GRIN1: variants seen among roughly 807,000 people sequenced by gnomAD.
The protein encoded by GRIN1 is glutamate receptor ionotropic, NMDA 1.
Under a neutral mutation model 103.0 loss-of-function variants are expected in GRIN1, and 38 were observed. The ratio of observed to expected loss-of-function variants is 0.37; its 90% CI spans 0.28 to 0.48. The LOEUF (loss-of-function observed/expected upper bound fraction) is 0.48. GRIN1 is among the 20% of genes least tolerant of loss of function. The pLI is 0.98. For missense variants in GRIN1, 577 were observed against 1,288.9 expected, an observed-to-expected ratio of 0.45 and a Z score of 8.46; for synonymous variants, 544 against 532.7, an observed-to-expected ratio of 1.02 and a Z score of -0.29.
At chr9:137,158,253 C>G (rs769275227) in intron 6 of GRIN1, 126 bp from the exon 7 acceptor site, 3 of 1,074,464 alleles carry the variant, frequency 2.8e-6, no homozygotes, top group Non-Finnish European at 4.2e-6. Flanking sequence ...GCTGCTCAGC[C>G]GGCAGGAGAA....
Position 137,145,922 on chromosome 9 carries a change from G to A in GRIN1, c.570+20G>A, listed in dbSNP as rs760668899. 4 of 1,570,890 alleles carry A rather than the reference G, an allele frequency of 2.5e-6. No homozygotes were observed. Among genetic ancestry groups the A allele is most frequent in the Admixed American group, 3.6e-5 (2 of 54,850 alleles). On this transcript the variant is annotated intron_variant, in intron 3 of 19. Coordinates refer to ENST00000371561, the MANE Select transcript of GRIN1 (RefSeq NM_007327.4). ...TCCAAGGTGAGGGTCGGCGCCGCGGGTGGGCGCCTGGCGGAGCCGAGGTGC... is the reference window on the plus strand; with the variant it reads ...TCCAAGGTGAGGGTCGGCGCCGCGGATGGGCGCCTGGCGGAGCCGAGGTGC...
chr9:137,162,782 G>A, intron 14 of GRIN1, 43 bp downstream of exon 14: 2 of 1,602,206 alleles, frequency 1.2e-6, no homozygotes, highest in Non-Finnish European at 1.7e-6. Flanking sequence ...GAGGTGAGCT[G>A]GGGTCGGCCT....
chr9:137,146,901 C>G lies in GRIN1; in HGVS notation c.570+999C>G, dbSNP rs1274893537. Reference sequence around the variant, plus strand: ...GTCGGGGGTAAAGCCAGGGGCAGACCAGAGGGTCCTGGGAGTACTGTCGTG... The same window carrying G: ...GTCGGGGGTAAAGCCAGGGGCAGACGAGAGGGTCCTGGGAGTACTGTCGTG... On this transcript the variant is annotated intron_variant, in intron 3 of 19. Coordinates refer to ENST00000371561, the MANE Select transcript of GRIN1 (RefSeq NM_007327.4). This position sits in a 1 kb window ranked among gnomAD's most constrained non-coding sequence, Gnocchi z 6.7. Among the ~76,000 whole-genome samples the G allele has an allele frequency of 6.6e-6, 1 of 152,026 alleles. No individual in the cohort carries two copies. Among genetic ancestry groups the G allele is most frequent in the Non-Finnish European group, 1.5e-5 (1 of 67,946 alleles).
At chr9:137,141,229 G>A (rs1832147288) in intron 1 of GRIN1, among the ~76,000 whole-genome samples, 1 of 152,216 alleles carries the variant, frequency 6.6e-6, no homozygotes, top group Non-Finnish European at 1.5e-5. Context: ...AGAGGCACAG[G>A]CAGACTTGGG....
chr9:137,154,579 G>GAGT (rs1833111273), intron 4 of GRIN1, among the ~76,000 whole-genome samples: 1 of 150,470 alleles, frequency 6.6e-6, no homozygotes, highest in African/African-American at 2.5e-5. Flanking sequence ...ACGGCCTCCC[G>GAGT]AGTAGCTGGG....
intron 8 of GRIN1, 110 bp downstream of exon 8, chr9:137,158,814 G>C: frequency 1.2e-6 from 1 of 811,680 alleles, no homozygotes; most frequent in Admixed American, 1.8e-5. Flanking sequence ...ACTAAAGGAA[G>C]TGGGGGTGGG....
intron 4 of GRIN1, among the ~76,000 whole-genome samples, chr9:137,153,044 A>G (rs1425290825): frequency 6.6e-6 from 1 of 152,080 alleles, no homozygotes; most frequent in Admixed American, 6.6e-5. Context: ...CAGGTCATAC[A>G]CAACACATAC....
intron 4 of GRIN1, among the ~76,000 whole-genome samples, chr9:137,152,449 C>T (rs970352068): frequency 1.7e-4 from 26 of 152,186 alleles, no homozygotes; most frequent in African/African-American, 5.3e-4. Flanking sequence ...TCACATCAAG[C>T]TAGACCTGCC....
chr9:137,163,848 C>T lies in GRIN1; in HGVS notation c.2533C>T (p.Arg845Trp). Residue 845 changes from arginine to tryptophan, a missense_variant, in exon 18 of 20, where the codon CGG (arginine) becomes TGG (tryptophan). Transcript: ENST00000371561. ...CTACAAGCGGCACAAGGATGCTCGC[C>T]GGAAGCAGATGCAGCTGGCCTTTGC... ...IAYKRHKDAR[R>W]KQMQLAFAAV... 1.2e-6 allele frequency: 2 copies of T among 1,613,066 alleles called. No individual in the cohort carries two copies. The highest frequency in any genetic ancestry group is 8.5e-7 in the Non-Finnish European group (1 of 1,179,972).
chr9:137,154,516 C>T (rs1037238886), intron 4 of GRIN1, among the ~76,000 whole-genome samples: 4 of 134,174 alleles, frequency 3.0e-5, no homozygotes, highest in Non-Finnish European at 6.1e-5. Context: ...TGCAGTGGCG[C>T]GATCTTGGCT....
At chr9:137,149,664 G>T (rs1216867001) in intron 4 of GRIN1, among the ~76,000 whole-genome samples, 1 of 152,190 alleles carries the variant, frequency 6.6e-6, no homozygotes. Context: ...ACTGTAAAAA[G>T]CTCCCTATTT....
intron 7 of GRIN1, 23 bp downstream of exon 7, chr9:137,158,546 TG>T: frequency 6.2e-7 from 1 of 1,600,514 alleles, no homozygotes; most frequent in South Asian, 1.1e-5. Flanking sequence ...CATGAGGGGG[TG>T]GGGGCTGGGG....
At chr9:137,156,597 A>T (rs1260745740) in intron 4 of GRIN1, 72 bp from the exon 5 acceptor site, 2 of 1,558,596 alleles carry the variant, frequency 1.3e-6, no homozygotes, top group African/African-American at 2.7e-5. Flanking sequence ...CCAGAGGAGG[A>T]GGACCTGGGC....
At chr9:137,162,540 G>C in intron 13 of GRIN1, 24 bp downstream of exon 13, 1 of 1,610,660 alleles carries the variant, frequency 6.2e-7, no homozygotes, top group Non-Finnish European at 8.5e-7. Flanking sequence ...CGGCCCGCCT[G>C]GTCCCGCCTC....
intron 3 of GRIN1, chr9:137,148,235 A>G: frequency 6.6e-7 from 1 of 1,513,974 alleles, no homozygotes; most frequent in Non-Finnish European, 8.9e-7. Flanking sequence ...ATGGACGTGC[A>G]CGCCACCCAC....
intron 2 of GRIN1, among the ~76,000 whole-genome samples, chr9:137,143,649 C>G (rs28425205): frequency 1.1e-3 from 173 of 152,242 alleles, no homozygotes; most frequent in African/African-American, 3.7e-3. Context: ...AAACATGAAC[C>G]GGCAAGGCCA....
At position 137,150,608 on chromosome 9, in the gene GRIN1, T is replaced by C. The variant is rs1429297318; in HGVS notation, c.671+1499T>C. ...CCACCCAGGGAAAGCTCCGCCCAGA[T>C]AAAAGCCCGCCCAGGGAAAGCCCCG... On this transcript the variant is annotated intron_variant, in intron 4 of 19. Coordinates refer to ENST00000371561, the MANE Select transcript of GRIN1 (RefSeq NM_007327.4). Among the ~76,000 whole-genome samples the C allele has an allele frequency of 3.6e-4, 17 of 47,284 alleles. 1 individual carries two copies. Among genetic ancestry groups the C allele is most frequent in the African/African-American group, 1.0e-3 (12 of 11,512 alleles). The allele number at this position is 47,284 out of a possible 152,430, so 31.0% of individuals were successfully genotyped here.
At chr9:137,164,299 C>T (rs868497670) in intron 18 of GRIN1, 22 of 325,982 alleles carry the variant, frequency 6.7e-5, no homozygotes, top group Admixed American at 1.3e-4. Flanking sequence ...TGACACCCTT[C>T]GGAGACCCCC....
intron 16 of GRIN1, 36 bp from the exon 17 acceptor site, chr9:137,163,523 C>T: frequency 2.0e-6 from 3 of 1,485,522 alleles, no homozygotes; most frequent in Non-Finnish European, 2.8e-6. Context: ...GTCCTGGGCC[C>T]CGCCTCACTG....
Sources: gnomAD v4.1 joint callset for allele counts (sites outside exome capture counted in the v4.1 genomes callset) on GRCh38, gnomAD v4.1.1 for gene constraint, Gnocchi (gnomAD v3.1) non-coding constraint, MANE v1.5 for transcripts, NCBI Gene and HGNC (gene_info 2026-07-23, HGNC 2026-07-21) for gene names.